Variants in MYRIP observed in about 807,000 individuals in gnomAD.
The protein encoded by MYRIP is myosin VIIA and Rab interacting protein.
Under a neutral mutation model 98.0 loss-of-function variants are expected in MYRIP, and 49 were observed. The observed-to-expected ratio is 0.50, with a 90% CI of 0.40 to 0.63. The LOEUF is 0.63. Ranked by LOEUF, MYRIP falls within the 30% of genes least tolerant of loss-of-function variation. The probability of loss-of-function intolerance (pLI) is 0.00; values close to 1 mark genes in which losing one functional copy is unlikely to be tolerated. For synonymous variants in MYRIP, 404 were observed against 409.5 expected (o/e 0.99, Z 0.16); for missense variants, 1,004 against 1,058.2 (o/e 0.95, Z 0.71).
At chr3:40,207,379 T>C (rs1951815314) in intron 10 of MYRIP, among the ~76,000 whole-genome samples, 1 of 152,172 alleles carries the variant, frequency 6.6e-6, no homozygotes, top group Non-Finnish European at 1.5e-5. Context: ...GGCAAAGGAA[T>C]TCCCCTTTCT....
intron 1 of MYRIP, among the ~76,000 whole-genome samples, chr3:39,855,772 C>T (rs1942269638): frequency 6.6e-6 from 1 of 152,148 alleles, no homozygotes; most frequent in African/African-American, 2.4e-5. Flanking sequence ...CTATCCCTGT[C>T]TTCTCACTCT....
chr3:40,135,993 A>G (rs1213278328), intron 3 of MYRIP, among the ~76,000 whole-genome samples: 1 of 152,220 alleles, frequency 6.6e-6, no homozygotes, highest in Non-Finnish European at 1.5e-5. Context: ...CAAAATAACA[A>G]GCTAACATCA....
chr3:40,089,313 A>G (rs1019886340), intron 3 of MYRIP, among the ~76,000 whole-genome samples: 4 of 152,204 alleles, frequency 2.6e-5, no homozygotes, highest in African/African-American at 4.8e-5. Flanking sequence ...TTTAAGAAGC[A>G]TTTTTGCTTG....
At chr3:39,866,222 G>A (rs576475012) in intron 1 of MYRIP, among the ~76,000 whole-genome samples, 20 of 151,998 alleles carry the variant, frequency 1.3e-4, no homozygotes, top group African/African-American at 4.6e-4. Context: ...AAAAAATCTA[G>A]CTATCAAGTA....
intron 2 of MYRIP, among the ~76,000 whole-genome samples, chr3:39,920,643 G>C (rs1460080993): frequency 6.6e-6 from 1 of 152,196 alleles, no homozygotes; most frequent in Non-Finnish European, 1.5e-5. Flanking sequence ...GAATGGATCA[G>C]TGGGCAAATG....
intron 2 of MYRIP, among the ~76,000 whole-genome samples, chr3:40,008,231 T>C (rs1208380679): frequency 1.3e-5 from 2 of 152,202 alleles, no homozygotes; most frequent in Non-Finnish European, 2.9e-5. Context: ...TTTCCATATA[T>C]GTTTATTTAA....
chr3:40,192,328 CAT>C (rs372192317), intron 10 of MYRIP, among the ~76,000 whole-genome samples: 3,907 of 37,700 alleles, frequency 0.1, 284 homozygotes, highest in Admixed American at 0.24. Context: ...ATATATATGT[CAT>C]ATATATATAT....
At chr3:40,025,655 G>A (rs1947109967) in intron 2 of MYRIP, among the ~76,000 whole-genome samples, 1 of 152,094 alleles carries the variant, frequency 6.6e-6, no homozygotes, top group Non-Finnish European at 1.5e-5. Flanking sequence ...GAAATAAAGA[G>A]AAAGAGTGCA....
chr3:39,855,039 G>C (rs1942244998), intron 1 of MYRIP, among the ~76,000 whole-genome samples: 1 of 152,224 alleles, frequency 6.6e-6, no homozygotes, highest in Admixed American at 6.5e-5. Context: ...TGCTCTCACA[G>C]AGGTGTCAGG....
chr3:40,010,690 C>T (rs1468814589), intron 2 of MYRIP, among the ~76,000 whole-genome samples: 3 of 152,160 alleles, frequency 2.0e-5, no homozygotes, highest in Non-Finnish European at 4.4e-5. Flanking sequence ...GGTTCTTCAG[C>T]CAGTATGGTT....
chr3:40,128,696 G>A (rs1007771793), intron 3 of MYRIP, among the ~76,000 whole-genome samples: 1 of 152,160 alleles, frequency 6.6e-6, no homozygotes, highest in Non-Finnish European at 1.5e-5. Context: ...TTGCCATTGG[G>A]TACATTTACC....
At chr3:40,159,523 T>G (rs1950328761) in intron 4 of MYRIP, among the ~76,000 whole-genome samples, 1 of 151,746 alleles carries the variant, frequency 6.6e-6, no homozygotes, top group African/African-American at 2.4e-5. Context: ...CTGTATTTCC[T>G]GAATCTGAAT....
At chr3:39,863,931 C>T (rs1417107599) in intron 1 of MYRIP, among the ~76,000 whole-genome samples, 1 of 152,130 alleles carries the variant, frequency 6.6e-6, no homozygotes, top group African/African-American at 2.4e-5. Context: ...TCCAGCAGCA[C>T]ATCAAAAAGC....
Position 40,162,737 on chromosome 3 carries a change from C to A in MYRIP, c.477C>A (p.Ser159Arg). Residue 159 changes from serine (S) to arginine (R), a missense_variant, in exon 5 of 17, where the codon AGC becomes AGA. Physicochemically the swap from Ser to Arg is moderately radical, Grantham distance 110. Transcript: ENST00000302541. Reference sequence around the variant, plus strand: ...CCACCCCTACCCTGCCAGGAGGAAGCCTTTTTGAGTCAAACCTGGAGAATG... The same window carrying A: ...CCACCCCTACCCTGCCAGGAGGAAGACTTTTTGAGTCAAACCTGGAGAATG... The part of the protein sequence containing the change: ...SGACFDILGG[S>R]LFESNLENEG... 2.5e-6 allele frequency: 4 copies of A among 1,613,984 alleles called. No homozygotes were observed. Among genetic ancestry groups the A allele is most frequent in the Non-Finnish European group, 3.4e-6 (4 of 1,179,894 alleles).
intron 8 of MYRIP, among the ~76,000 whole-genome samples, chr3:40,180,479 T>C (rs1178208275): frequency 6.6e-6 from 1 of 152,164 alleles, no homozygotes; most frequent in South Asian, 2.1e-4. Context: ...CAGTAAAACA[T>C]AAGTACAGAA....
intron 1 of MYRIP, among the ~76,000 whole-genome samples, chr3:39,825,294 G>T (rs1941229778): frequency 6.6e-6 from 1 of 152,026 alleles, no homozygotes; most frequent in African/African-American, 2.4e-5. Flanking sequence ...AAAGCTTTTG[G>T]CTTTTTCCCA....
At chr3:40,231,817 G>T (rs1952667723) in intron 11 of MYRIP, among the ~76,000 whole-genome samples, 1 of 151,956 alleles carries the variant, frequency 6.6e-6, no homozygotes, top group African/African-American at 2.4e-5. Flanking sequence ...CAAAAGATCT[G>T]CAAAGGCACT....
intron 11 of MYRIP, among the ~76,000 whole-genome samples, chr3:40,219,381 A>T (rs1199491019): frequency 6.6e-6 from 1 of 152,198 alleles, no homozygotes; most frequent in Non-Finnish European, 1.5e-5. Context: ...CATGTGCACA[A>T]CGTGCAGGTT....
At chr3:39,875,091 T>C (rs544718542) in intron 1 of MYRIP, among the ~76,000 whole-genome samples, 109 of 152,334 alleles carry the variant, frequency 7.2e-4, no homozygotes, top group African/African-American at 2.4e-3. Flanking sequence ...TGTCCAGGAA[T>C]TTATCCATTT....
Sources: allele counts gnomAD v4.1 joint callset (sites outside exome capture counted in the v4.1 genomes callset), GRCh38; gene constraint gnomAD v4.1.1; transcripts MANE v1.5; gene names NCBI Gene and HGNC (gene_info 2026-07-23, HGNC 2026-07-21).